DOK5: variants seen among roughly 807,000 people sequenced by gnomAD.
DOK5 encodes docking protein 5.
Under a neutral mutation model 43.3 loss-of-function variants are expected in DOK5, and 27 were observed. The ratio of observed to expected loss-of-function variants is 0.62; its 90% CI spans 0.46 to 0.86. DOK5 has a LOEUF of 0.86. DOK5 is among the 40% of genes least tolerant of loss of function. DOK5 has a pLI of 0.00. For missense variants in DOK5, 373 were observed against 392.9 expected (o/e 0.95, Z 0.43); for synonymous variants, 146 against 140.1 (o/e 1.04, Z -0.30).
chr20:54,501,273 C>G (rs1982589058), intron 1 of DOK5, among the ~76,000 whole-genome samples: 1 of 151,714 alleles, frequency 6.6e-6, no homozygotes, highest in African/African-American at 2.4e-5. Context: ...CGAGACTATC[C>G]TGGCTAACAC....
chr20:54,541,685 C>T (rs1463884340), intron 1 of DOK5, among the ~76,000 whole-genome samples: 1 of 152,118 alleles, frequency 6.6e-6, no homozygotes, highest in Non-Finnish European at 1.5e-5. Flanking sequence ...GATCCACCTG[C>T]CTGGGCCTCC....
At chr20:54,580,139 A>G (rs1446211059) in intron 2 of DOK5, among the ~76,000 whole-genome samples, 1 of 152,126 alleles carries the variant, frequency 6.6e-6, no homozygotes, top group African/African-American at 2.4e-5. Context: ...ATAATATTGC[A>G]TGGTGTATAT....
chr20:54,535,212 A>T (rs949219717), intron 1 of DOK5, among the ~76,000 whole-genome samples: 1 of 151,858 alleles, frequency 6.6e-6, no homozygotes, highest in East Asian at 1.9e-4. Context: ...CCTTCCCTTA[A>T]ATTCTTGGCT....
chr20:54,628,243 C>T (rs1331895742), intron 6 of DOK5, among the ~76,000 whole-genome samples: 2 of 151,630 alleles, frequency 1.3e-5, no homozygotes, highest in African/African-American at 4.8e-5. Context: ...TCCTTCTCTA[C>T]TAAAAATACA....
chr20:54,481,154 CTAT>C, intron 1 of DOK5, among the ~76,000 whole-genome samples: 1 of 151,302 alleles, frequency 6.6e-6, no homozygotes, highest in African/African-American at 2.4e-5. Flanking sequence ...ATCTATCTAT[CTAT>C]CTATCTATCT....
intron 2 of DOK5, among the ~76,000 whole-genome samples, chr20:54,565,479 T>C (rs1393597130): frequency 2.6e-5 from 4 of 152,214 alleles, no homozygotes; most frequent in African/African-American, 7.2e-5. Context: ...GTTGAAATTA[T>C]GTTGGCCAGG....
chr20:54,526,189 A>T (rs1213346472), intron 1 of DOK5, among the ~76,000 whole-genome samples: 1 of 144,936 alleles, frequency 6.9e-6, no homozygotes, highest in Non-Finnish European at 1.5e-5. Flanking sequence ...TTTAGGTTTG[A>T]TGAGGTCAGA....
At chr20:54,586,840 G>A (rs1985817671) in intron 2 of DOK5, among the ~76,000 whole-genome samples, 1 of 152,010 alleles carries the variant, frequency 6.6e-6, no homozygotes, top group Non-Finnish European at 1.5e-5. Context: ...CGGTGGCTGA[G>A]ACATAGAGCA....
In DOK5 at chr20:54,512,474, A is replaced by T. The variant is rs370731701; in HGVS notation, c.66+36462A>T. Among the ~76,000 whole-genome samples, 5 of 152,274 alleles carry T rather than the reference A, an allele frequency of 3.3e-5. 1 individual carries two copies. In the East Asian group the frequency reaches 9.7e-4, roughly 29 times the overall value. ...TTTTTCTCATATTGGGGGTCAACTT[A>T]AGAAGTTGACTTTGTCATTTATACA... On this transcript the variant is annotated intron_variant, in intron 1 of 7. Coordinates refer to ENST00000262593, the MANE Select transcript of DOK5 (RefSeq NM_018431.5).
At chr20:54,529,781 T>A (rs191045426) in intron 1 of DOK5, among the ~76,000 whole-genome samples, 3 of 152,344 alleles carry the variant, frequency 2.0e-5, no homozygotes, top group Admixed American at 6.5e-5. Context: ...TTTCATGCAT[T>A]GGCTTCTTTT....
In DOK5 at chr20:54,610,494, C is replaced by A. The variant is rs749730244; in HGVS notation, c.706C>A (p.Arg236Ser). The change falls in exon 6 of 8, where the codon CGC (arginine) becomes AGC (serine). Residue 236 changes from arginine to serine, a missense_variant. Arg to Ser is a moderately radical substitution (Grantham distance 110). Coordinates refer to ENST00000262593, the MANE Select transcript of DOK5 (RefSeq NM_018431.5). The part of the protein sequence containing the change: ...AALAIAEQHE[R>S]LLQSVKNSML... Reference sequence around the variant, plus strand: ...CTTGGCCATAGCCGAGCAGCACGAGCGCTTGCTACAGAGTGTGAAAAACTC... The same window carrying A: ...CTTGGCCATAGCCGAGCAGCACGAGAGCTTGCTACAGAGTGTGAAAAACTC... The A allele has an allele frequency of 1.3e-6, 2 of 1,546,252 alleles. No homozygotes were observed. Among genetic ancestry groups the A allele is most frequent in the East Asian group, 2.4e-5 (1 of 42,168 alleles).
intron 1 of DOK5, among the ~76,000 whole-genome samples, chr20:54,477,742 T>C (rs999815208): frequency 6.6e-6 from 1 of 152,134 alleles, no homozygotes; most frequent in Non-Finnish European, 1.5e-5. Context: ...TTAGGGAGCA[T>C]TCCAATGGGA....
intron 1 of DOK5, among the ~76,000 whole-genome samples, chr20:54,485,245 G>T (rs1188101780): frequency 1.3e-5 from 2 of 151,228 alleles, no homozygotes; most frequent in Non-Finnish European, 3.0e-5. Context: ...AACCCGGATG[G>T]CGGAGGTTGC....
rs556180486 is a variant in DOK5 at position 54,508,216 on chromosome 20, A to G, written c.66+32204A>G. ...TAAAAGTAGAACTCCCAGTATTTGTATAGGTGTTTATTTCCTATACATGTG... is the reference window on the plus strand; with the variant it reads ...TAAAAGTAGAACTCCCAGTATTTGTGTAGGTGTTTATTTCCTATACATGTG... On this transcript the variant is annotated intron_variant, in intron 1 of 7. Coordinates refer to ENST00000262593, the MANE Select transcript of DOK5 (RefSeq NM_018431.5). Among the ~76,000 whole-genome samples, 51 of 152,204 alleles carry G rather than the reference A, an allele frequency of 3.4e-4. No homozygotes were observed. The South Asian group carries it at 7.1e-3, about 21-fold the overall frequency.
intron 1 of DOK5, chr20:54,476,286 A>C (rs778034841): frequency 2.0e-5 from 18 of 893,462 alleles, no homozygotes; most frequent in Middle Eastern, 1.1e-3. Flanking sequence ...ACTCGAAATA[A>C]ATATTTCTCG....
At chr20:54,644,374 C>T (rs1979270594) in intron 7 of DOK5, among the ~76,000 whole-genome samples, 1 of 151,478 alleles carries the variant, frequency 6.6e-6, no homozygotes, top group Non-Finnish European at 1.5e-5. Flanking sequence ...GAGTTGAAGG[C>T]CAGCCTGGCC....
chr20:54,623,516 A>G (rs1987049834), intron 6 of DOK5, among the ~76,000 whole-genome samples: 1 of 152,164 alleles, frequency 6.6e-6, no homozygotes, highest in African/African-American at 2.4e-5. Flanking sequence ...ATGTAAGGCA[A>G]CGAGACGAGG....
At chr20:54,592,715 G>C (rs928579769) in intron 5 of DOK5, among the ~76,000 whole-genome samples, 1 of 151,794 alleles carries the variant, frequency 6.6e-6, no homozygotes, top group African/African-American at 2.4e-5. Context: ...TAATTTTTTT[G>C]TATTTTCAGT....
intron 1 of DOK5, among the ~76,000 whole-genome samples, chr20:54,482,224 C>G (rs1377456516): frequency 6.6e-6 from 1 of 152,134 alleles, no homozygotes; most frequent in Non-Finnish European, 1.5e-5. Context: ...ATTCACTGGA[C>G]TAGGAGGTAT....
Sources: allele counts gnomAD v4.1 joint callset (sites outside exome capture counted in the v4.1 genomes callset), GRCh38; gene constraint gnomAD v4.1.1; transcripts MANE v1.5; gene names NCBI Gene and HGNC (gene_info 2026-07-23, HGNC 2026-07-21).